The following RAPGEF6 variants were observed in gnomAD, a reference collection of about 807,000 sequenced individuals.
The protein encoded by RAPGEF6 is Rap guanine nucleotide exchange factor 6.
A neutral mutation model predicts 171.4 loss-of-function variants in RAPGEF6; 56 were observed. That is an observed-to-expected ratio of 0.33 (90% CI 0.26 to 0.41). The LOEUF is 0.41. Among genes scored for constraint, RAPGEF6 ranks in the 10% least tolerant of loss-of-function variants. The pLI is 1.00. For synonymous variants in RAPGEF6, 692 were observed against 650.1 expected (o/e 1.06, Z -0.98); for missense variants, 1,674 against 1,921.4 (o/e 0.87, Z 2.41).
intron 1 of RAPGEF6, among the ~76,000 whole-genome samples, chr5:131,623,765 G>A (rs1278410756): frequency 3.9e-5 from 6 of 152,260 alleles, no homozygotes; most frequent in East Asian, 1.9e-4. Context: ...GATTACAGGC[G>A]TGAGCCACTG....
intron 1 of RAPGEF6, among the ~76,000 whole-genome samples, chr5:131,616,448 A>G (rs563986399): frequency 4.0e-4 from 61 of 152,190 alleles, no homozygotes; most frequent in Non-Finnish European, 7.9e-4. Flanking sequence ...TGTTATGCCA[A>G]GCAACTGTGC....
chr5:131,569,868 C>A (rs914181990), intron 4 of RAPGEF6, among the ~76,000 whole-genome samples: 1 of 151,612 alleles, frequency 6.6e-6, no homozygotes, highest in Non-Finnish European at 1.5e-5. Flanking sequence ...TGGTGCAACC[C>A]CCATCTCTAC....
chr5:131,595,488 A>T lies in RAPGEF6; in HGVS notation c.198-3022T>A, dbSNP rs1580645242. On this transcript the variant is annotated intron_variant, in intron 3 of 27. Transcript: ENST00000509018. ...ATGGAGTAATACAGAGACCAAAGTTAATTTGCTATCAGCTTAAAATAGTGC... is the reference window on the plus strand; with the variant it reads ...ATGGAGTAATACAGAGACCAAAGTTTATTTGCTATCAGCTTAAAATAGTGC... Among the ~76,000 whole-genome samples the T allele has an allele frequency of 2.0e-5, 3 of 152,202 alleles. No individual in the cohort carries two copies. The East Asian group carries it at 5.8e-4, about 29-fold the overall frequency.
Position 131,425,339 on chromosome 5 carries a change from G to A in RAPGEF6, c.*1927C>T, listed in dbSNP as rs1388867480. ...TAGACATCTGAATTTGATAAAAAAAGTGGGTATAGCAAAAATATATTTCAC... is the reference window on the plus strand; with the variant it reads ...TAGACATCTGAATTTGATAAAAAAAATGGGTATAGCAAAAATATATTTCAC... On this transcript the variant is annotated 3_prime_UTR_variant, in exon 28 of 28. Transcript: ENST00000509018. 10 of 152,450 alleles carry A rather than the reference G, an allele frequency of 6.6e-5. 1 individual carries two copies. In the South Asian group the frequency reaches 1.9e-3, roughly 28 times the overall value. The allele number at this position is 152,450 out of a possible 1,614,324, so 9.4% of individuals were successfully genotyped here.
intron 17 of RAPGEF6, among the ~76,000 whole-genome samples, chr5:131,470,066 G>C (rs1186357037): frequency 6.6e-6 from 1 of 151,876 alleles, no homozygotes; most frequent in African/African-American, 2.4e-5. Context: ...GCTGAATTTG[G>C]AATTAACTGG....
chr5:131,609,681 T>C (rs1398889604), intron 1 of RAPGEF6, among the ~76,000 whole-genome samples: 1 of 152,248 alleles, frequency 6.6e-6, no homozygotes, highest in African/African-American at 2.4e-5. Context: ...TATGAGTTCC[T>C]GATATGATCC....
At chr5:131,453,665 C>T (rs568143404) in intron 20 of RAPGEF6, among the ~76,000 whole-genome samples, 1 of 152,220 alleles carries the variant, frequency 6.6e-6, no homozygotes, top group African/African-American at 2.4e-5. Flanking sequence ...ATTGTTTTTT[C>T]ACACTTGTCT....
intron 22 of RAPGEF6, among the ~76,000 whole-genome samples, chr5:131,444,806 AC>A (rs1010572513): frequency 2.0e-4 from 30 of 152,202 alleles, no homozygotes; most frequent in Non-Finnish European, 2.4e-4. Flanking sequence ...ACATCAAATT[AC>A]CTGGGAAAAA....
chr5:131,474,549 A>C (rs189648041), intron 16 of RAPGEF6, among the ~76,000 whole-genome samples: 2 of 152,324 alleles, frequency 1.3e-5, no homozygotes, highest in East Asian at 1.9e-4. Context: ...GTCCGAGTAA[A>C]GGTACTAGAG....
chr5:131,586,381 G>A (rs993922692), intron 4 of RAPGEF6, among the ~76,000 whole-genome samples: 2 of 152,248 alleles, frequency 1.3e-5, no homozygotes, highest in Non-Finnish European at 2.9e-5. Flanking sequence ...GGCTGGGTAT[G>A]GAGGCTCAAG....
At chr5:131,442,626 TC>T in intron 22 of RAPGEF6, 89 bp from the exon 23 acceptor site, 1 of 1,502,786 alleles carries the variant, frequency 6.7e-7, no homozygotes, top group Non-Finnish European at 8.9e-7. Flanking sequence ...TTTAAAACCA[TC>T]TATTTTTAGC....
intron 15 of RAPGEF6, among the ~76,000 whole-genome samples, chr5:131,483,617 C>T (rs1755652027): frequency 6.6e-6 from 1 of 152,134 alleles, no homozygotes; most frequent in Non-Finnish European, 1.5e-5. Context: ...TTAAAAATGT[C>T]TCTTCCCACA....
At chr5:131,541,693 G>C (rs1760164487) in intron 6 of RAPGEF6, among the ~76,000 whole-genome samples, 1 of 152,026 alleles carries the variant, frequency 6.6e-6, no homozygotes, top group Non-Finnish European at 1.5e-5. Flanking sequence ...TTGGGGAAAA[G>C]AATGAGTTAC....
intron 17 of RAPGEF6, chr5:131,469,897 A>C: frequency 9.3e-7 from 1 of 1,072,812 alleles, no homozygotes; most frequent in Non-Finnish European, 1.3e-6. Flanking sequence ...CCCCACTTTC[A>C]TTTTGATCTA....
intron 17 of RAPGEF6, 22 bp from the exon 18 acceptor site, chr5:131,464,303 C>A: frequency 6.3e-7 from 1 of 1,593,544 alleles, no homozygotes; most frequent in Non-Finnish European, 8.6e-7. Context: ...GAAAGATATG[C>A]TTTGTTATTT....
intron 7 of RAPGEF6, among the ~76,000 whole-genome samples, chr5:131,512,782 T>C (rs1757822272): frequency 6.6e-6 from 1 of 152,146 alleles, no homozygotes; most frequent in Non-Finnish European, 1.5e-5. Flanking sequence ...CTCTCACGAA[T>C]GGGATTAGTA....
At chr5:131,464,019 A>G in intron 18 of RAPGEF6, 22 bp downstream of exon 18, 1 of 1,544,710 alleles carries the variant, frequency 6.5e-7, no homozygotes, top group Non-Finnish European at 8.7e-7. Flanking sequence ...AAATAAGCAC[A>G]TCCACTAATA....
chr5:131,613,018 T>C (rs750047891), intron 1 of RAPGEF6, among the ~76,000 whole-genome samples: 1 of 152,220 alleles, frequency 6.6e-6, no homozygotes, highest in Non-Finnish European at 1.5e-5. Flanking sequence ...CTTCAAATAT[T>C]TGTTTGTAAT....
intron 21 of RAPGEF6, among the ~76,000 whole-genome samples, chr5:131,449,705 C>T (rs928791778): frequency 1.1e-4 from 17 of 152,058 alleles, no homozygotes; most frequent in Admixed American, 7.2e-4. Flanking sequence ...TAAGATAATT[C>T]GTTTAGAGTG....
Sources: allele counts gnomAD v4.1 joint callset (sites outside exome capture counted in the v4.1 genomes callset), GRCh38; gene constraint gnomAD v4.1.1; transcripts MANE v1.5; gene names NCBI Gene and HGNC (gene_info 2026-07-23, HGNC 2026-07-21).